Variants in PCDH9 observed in about 807,000 individuals in gnomAD.
PCDH9 encodes the protein protocadherin-9.
A neutral mutation model predicts 70.6 loss-of-function variants in PCDH9; 24 were observed. The observed-to-expected ratio is 0.34, with a 90% confidence interval of 0.25 to 0.48. PCDH9 has a LOEUF of 0.48. Among genes scored for constraint, PCDH9 ranks in the 20% least tolerant of loss-of-function variants. The pLI, the probability that PCDH9 is intolerant of heterozygous loss-of-function variation, is 0.99. For missense variants in PCDH9, 1,281 were observed against 1,503.6 expected (o/e 0.85, Z 2.45); for synonymous variants, 562 against 558.5 (o/e 1.01, Z -0.09).
chr13:67,095,391 T>A (rs1023250007), intron 2 of PCDH9, among the ~76,000 whole-genome samples: 1 of 152,270 alleles, frequency 6.6e-6, no homozygotes, highest in East Asian at 1.9e-4. Context: ...TTATTATTTT[T>A]AAAAAGTAAT....
intron 3 of PCDH9, among the ~76,000 whole-genome samples, chr13:66,773,625 G>C (rs970448954): frequency 5.3e-5 from 8 of 150,416 alleles, no homozygotes; most frequent in African/African-American, 2.0e-4. Flanking sequence ...GCCAGACACC[G>C]TCTCAAAAAA....
chr13:66,778,815 T>G (rs1179355855), intron 3 of PCDH9, among the ~76,000 whole-genome samples: 1 of 152,332 alleles, frequency 6.6e-6, no homozygotes, highest in African/African-American at 2.4e-5. Context: ...TATCAGATTT[T>G]TATGTTGTTA....
At chr13:66,936,188 T>G (rs538881197) in intron 2 of PCDH9, among the ~76,000 whole-genome samples, 4 of 152,344 alleles carry the variant, frequency 2.6e-5, no homozygotes, top group African/African-American at 9.6e-5. Flanking sequence ...ATCTTATGCA[T>G]GTTATGCTTT....
intron 4 of PCDH9, among the ~76,000 whole-genome samples, chr13:66,313,727 A>G (rs1955603906): frequency 6.6e-6 from 1 of 152,176 alleles, no homozygotes; most frequent in Admixed American, 6.6e-5. Context: ...TGTACCCAGG[A>G]CACTAATAAT....
chr13:66,986,943 T>C (rs2083903771), intron 2 of PCDH9, among the ~76,000 whole-genome samples: 4 of 151,942 alleles, frequency 2.6e-5, no homozygotes, highest in Admixed American at 2.6e-4. Flanking sequence ...GCATATATCA[T>C]ACACATTCCA....
At chr13:66,354,669 T>C (rs957450864) in intron 4 of PCDH9, among the ~76,000 whole-genome samples, 4 of 152,040 alleles carry the variant, frequency 2.6e-5, no homozygotes, top group Non-Finnish European at 2.9e-5. Context: ...TATAAAATAA[T>C]AAAAAAATAG....
In PCDH9 at chr13:66,848,159, T is replaced by C. The variant is rs902965983; in HGVS notation, c.3138+55345A>G. The stretch of plus-strand genomic sequence containing the variant: ...TGAATAAAAGATGTATTGCTTTTAC[T>C]TAAAAGAATGATTTCCCCTCCTATT... On this transcript the variant is annotated intron_variant, in intron 3 of 4. Transcript: ENST00000377865. 2.0e-5 allele frequency among the ~76,000 whole-genome samples: 3 copies of C among 152,314 alleles called. No homozygotes were observed. In the East Asian group the frequency reaches 5.8e-4, roughly 29 times the overall value.
chr13:66,380,695 C>T (rs1396422596), intron 4 of PCDH9, among the ~76,000 whole-genome samples: 1 of 152,002 alleles, frequency 6.6e-6, no homozygotes, highest in African/African-American at 2.4e-5. Context: ...AGGCGCCCGC[C>T]ACCACGCCCG....
intron 2 of PCDH9, among the ~76,000 whole-genome samples, chr13:67,108,999 T>G (rs2086603250): frequency 1.3e-5 from 2 of 152,216 alleles, no homozygotes; most frequent in Admixed American, 1.3e-4. Flanking sequence ...TCATGTGGAC[T>G]ACTTGAAGTG....
intron 3 of PCDH9, among the ~76,000 whole-genome samples, 169 bp from the exon 4 acceptor site, chr13:66,631,580 T>C (rs2049262953): frequency 6.6e-6 from 1 of 152,200 alleles, no homozygotes; most frequent in South Asian, 2.1e-4. Flanking sequence ...ATTTACTATG[T>C]AATGGCCAAC....
chr13:66,303,054 AT>A lies in PCDH9; in HGVS notation c.*1600del, dbSNP rs910014390. On this transcript the variant is annotated 3_prime_UTR_variant, in exon 5 of 5. Transcript: ENST00000377865. ...GAACTGCTATTTACAAAGTAATTTT[AT>A]TTTTTGGTAAGAACAAATTAACTAT... The A allele has an allele frequency of 1.3e-5, 2 of 152,248 alleles. No homozygotes were observed. The highest frequency in any genetic ancestry group is 2.9e-5 in the Non-Finnish European group (2 of 67,894). The allele number at this position is 152,248 out of a possible 1,614,324, so 9.4% of individuals were successfully genotyped here.
chr13:66,928,815 T>C (rs1480257880), intron 2 of PCDH9, among the ~76,000 whole-genome samples: 1 of 152,064 alleles, frequency 6.6e-6, no homozygotes, highest in African/African-American at 2.4e-5. Context: ...ACTAAGGTAC[T>C]TTGTTATAGC....
At chr13:66,766,270 T>C (rs1040781499) in intron 3 of PCDH9, among the ~76,000 whole-genome samples, 2 of 151,492 alleles carry the variant, frequency 1.3e-5, no homozygotes, top group Admixed American at 6.6e-5. Flanking sequence ...TCTAGAAGAG[T>C]CAGAGATGAC....
At chr13:66,340,536 A>T (rs991310004) in intron 4 of PCDH9, among the ~76,000 whole-genome samples, 2 of 152,236 alleles carry the variant, frequency 1.3e-5, no homozygotes, top group East Asian at 3.9e-4. Flanking sequence ...CAACAGTGAC[A>T]GCTAAACCCT....
chr13:67,136,388 T>C (rs1175948042), intron 2 of PCDH9, among the ~76,000 whole-genome samples: 1 of 152,148 alleles, frequency 6.6e-6, no homozygotes, highest in African/African-American at 2.4e-5. Flanking sequence ...CATGACTGTG[T>C]AAGTGATAAG....
chr13:66,680,221 A>G (rs1443398161), intron 3 of PCDH9, among the ~76,000 whole-genome samples: 1 of 151,958 alleles, frequency 6.6e-6, no homozygotes, highest in Non-Finnish European at 1.5e-5. Flanking sequence ...TCAGAAAGCA[A>G]CTGAAACAAT....
At chr13:67,047,558 C>A (rs566998400) in intron 2 of PCDH9, among the ~76,000 whole-genome samples, 6 of 152,268 alleles carry the variant, frequency 3.9e-5, no homozygotes, top group African/African-American at 1.4e-4. Flanking sequence ...TTCCCCCACT[C>A]TGCTGCCTAT....
At chr13:67,039,431 C>T (rs1424340343) in intron 2 of PCDH9, among the ~76,000 whole-genome samples, 1 of 152,174 alleles carries the variant, frequency 6.6e-6, no homozygotes, top group Non-Finnish European at 1.5e-5. Flanking sequence ...AGCATCATTT[C>T]ACTGCAAGAT....
At chr13:66,376,763 A>G (rs1413303879) in intron 4 of PCDH9, among the ~76,000 whole-genome samples, 1 of 152,202 alleles carries the variant, frequency 6.6e-6, no homozygotes, top group African/African-American at 2.4e-5. Flanking sequence ...TTATACTACT[A>G]TTAGGCAAGA....
Sources: gnomAD v4.1 joint callset for allele counts (sites outside exome capture counted in the v4.1 genomes callset) on GRCh38, gnomAD v4.1.1 for gene constraint, MANE v1.5 for transcripts, NCBI Gene and HGNC (gene_info 2026-07-23, HGNC 2026-07-21) for gene names.